The following VTI1B variants were observed in gnomAD, a reference collection of about 807,000 sequenced individuals.
VTI1B encodes vesicle transport through interaction with t-SNAREs homolog 1B.
A neutral mutation model predicts 28.6 loss-of-function variants in VTI1B; 18 were observed. The ratio of observed to expected loss-of-function variants is 0.63; its 90% CI spans 0.43 to 0.93. The LOEUF (loss-of-function observed/expected upper bound fraction) is 0.93, where lower values mean the gene tolerates loss of function less well. VTI1B is among the 40% of genes least tolerant of loss of function. The pLI, the probability that VTI1B is intolerant of heterozygous loss-of-function variation, is 0.00. For missense variants in VTI1B, 283 were observed against 297.0 expected (o/e 0.95, Z 0.35); for synonymous variants, 100 against 107.9 (o/e 0.93, Z 0.46).
Position 67,650,518 on chromosome 14 carries a change from C to T in VTI1B, c.*867G>A, listed in dbSNP as rs2037158865. ...ATCTTAAAAGGTTTCTTTTAATCTACTATAGCACAACAGTGTTTTAACTTA... is the reference window on the plus strand; with the variant it reads ...ATCTTAAAAGGTTTCTTTTAATCTATTATAGCACAACAGTGTTTTAACTTA... On this transcript the variant is annotated 3_prime_UTR_variant, in exon 6 of 6. Transcript: ENST00000554659. 4 of 600,190 alleles carry T rather than the reference C, an allele frequency of 6.7e-6. No individual in the cohort carries two copies. The highest frequency in any genetic ancestry group is 1.2e-5 in the Non-Finnish European group (4 of 337,018). The allele number at this position is 600,190 out of a possible 1,614,324, so 37.2% of individuals were successfully genotyped here.
At chr14:67,664,726 T>G (rs1028268433) in intron 1 of VTI1B, among the ~76,000 whole-genome samples, 1 of 152,192 alleles carries the variant, frequency 6.6e-6, no homozygotes, top group Non-Finnish European at 1.5e-5. Flanking sequence ...CTCAAACTCC[T>G]GACCTCAAGT....
In VTI1B at chr14:67,650,609, G is replaced by A; in HGVS notation, c.*776C>T. The A allele has an allele frequency of 1.0e-6, 1 of 986,980 alleles. No individual in the cohort carries two copies. Among genetic ancestry groups the A allele is most frequent in the Non-Finnish European group, 1.6e-6 (1 of 630,492 alleles). The allele number at this position is 986,980 out of a possible 1,614,324, so 61.1% of individuals were successfully genotyped here. A position where few individuals can be genotyped will look rare whatever the true frequency, so the allele number is the denominator to read the frequency against. On this transcript the variant is annotated 3_prime_UTR_variant, in exon 6 of 6. Coordinates refer to ENST00000554659, the MANE Select transcript of VTI1B (RefSeq NM_006370.3). ...AAATAGGTATTTTCTACTATAAAAT[G>A]GACTCTTGTTTTTACTTTGGCTTGT...
intron 5 of VTI1B, 111 bp downstream of exon 5, chr14:67,653,326 A>C (rs2037211858): frequency 1.2e-6 from 1 of 817,062 alleles, no homozygotes; most frequent in African/African-American, 1.7e-5. Flanking sequence ...TACAGGGACT[A>C]TGCGTCAACT....
rs751233829 is a variant in VTI1B, at chr14:67,648,731, G to A, written c.*2654C>T. Reference sequence around the variant, plus strand: ...GAAAGAGTACTAAGATGAATTCTACGTTATCAAGACTGGCTACTTTTCCAA... The same window carrying A: ...GAAAGAGTACTAAGATGAATTCTACATTATCAAGACTGGCTACTTTTCCAA... On this transcript the variant is annotated 3_prime_UTR_variant, in exon 6 of 6. Transcript: ENST00000554659. 1.5e-4 allele frequency: 23 copies of A among 152,332 alleles called. No homozygotes were observed. The highest frequency in any genetic ancestry group is 1.0e-3 in the Admixed American group (16 of 15,290). The allele number at this position is 152,332 out of a possible 1,614,324, so 9.4% of individuals were successfully genotyped here.
rs1566808864 is a variant in VTI1B at position 67,651,378 on chromosome 14, T to TAG, written c.*5_*6dup. 2 of 1,613,432 alleles carry TAG rather than the reference T, an allele frequency of 1.2e-6. No individual in the cohort carries two copies. Among genetic ancestry groups the TAG allele is most frequent in the African/African-American group, 2.7e-5 (2 of 74,884 alleles). On this transcript the variant is annotated 3_prime_UTR_variant, in exon 6 of 6. Transcript: ENST00000554659. Reference sequence around the variant, plus strand: ...GTTCTGGTCCACAAACCCTTCCCTATAGAAGTTCAATGGCTGCGAAAGAAT... The same window carrying TAG: ...GTTCTGGTCCACAAACCCTTCCCTATAGAGAAGTTCAATGGCTGCGAAAGAAT...
In VTI1B at chr14:67,653,529, C is replaced by T. The variant is rs1281809398; in HGVS notation, c.541-31G>A. On this transcript the variant is annotated intron_variant, in intron 4 of 5. Transcript: ENST00000554659. The stretch of plus-strand genomic sequence containing the variant: ...AAGAGAAAATAGTGATTATTTCCCT[C>T]TTTAAAAAGTATACTCTGTACAATT... 3.8e-6 allele frequency: 6 copies of T among 1,588,184 alleles called. No homozygotes were observed. The East Asian group carries it at 1.1e-4, about 30-fold the overall frequency.
Position 67,651,446 on chromosome 14 carries a change from A to G in VTI1B, c.638T>C (p.Ile213Thr). ...TCCCAGGATGGCGAGCTCCAGTAAG[A>G]TGATAATGGAAAGCAGCAGCTTGTT... Reference protein sequence around the residue: ...TTNKLLLSIIILLELAILGGL... With the variant: ...TTNKLLLSIITLLELAILGGL... The change falls in exon 6 of 6, where the codon ATC becomes ACC. Residue 213 changes from isoleucine to threonine, a missense_variant. Coordinates refer to ENST00000554659, the MANE Select transcript of VTI1B (RefSeq NM_006370.3). The G allele has an allele frequency of 6.2e-7, 1 of 1,613,980 alleles. No individual in the cohort carries two copies. Among genetic ancestry groups the G allele is most frequent in the Non-Finnish European group, 8.5e-7 (1 of 1,179,842 alleles).
chr14:67,663,138 T>C (rs1376139593), intron 1 of VTI1B: 2 of 1,531,026 alleles, frequency 1.3e-6, no homozygotes, highest in Non-Finnish European at 8.7e-7. Context: ...GCCTTTCCCA[T>C]TCTGTCCCTT....
At chr14:67,651,789 T>TAATCA (rs2037181943) in intron 5 of VTI1B, 1 of 257,812 alleles carries the variant, frequency 3.9e-6, no homozygotes, top group South Asian at 4.9e-5. Context: ...CTAGAAAAAG[T>TAATCA]AATCAAATAG....
chr14:67,660,655 G>C (rs1200926860), intron 2 of VTI1B, among the ~76,000 whole-genome samples: 3 of 151,764 alleles, frequency 2.0e-5, no homozygotes, highest in Non-Finnish European at 4.4e-5. Flanking sequence ...ACCCAGAGCA[G>C]TCTGCTTTAG....
At position 67,656,528 on chromosome 14, in the gene VTI1B, G is replaced by GT; in HGVS notation, c.427dup (p.Thr143AsnfsTer5). 6.2e-7 allele frequency: 1 copy of GT among 1,613,860 alleles called. No homozygotes were observed. Among genetic ancestry groups the GT allele is most frequent in the Non-Finnish European group, 8.5e-7 (1 of 1,179,816 alleles). On this transcript the variant is annotated frameshift_variant, in exon 4 of 6. Coordinates refer to ENST00000554659, the MANE Select transcript of VTI1B (RefSeq NM_006370.3). LOFTEE classifies it high-confidence loss of function. The stretch of plus-strand genomic sequence containing the variant: ...CCGATGAGAACGTTCAATACTTTGG[G>GT]TGGCCCGGTTCAGGCTTTCAGTGCC...
chr14:67,674,584 G>C lies in VTI1B; in HGVS notation c.-95C>G, dbSNP rs1321033214. ...AGCCGCCCAGCCCAGTGGCCATAAC[G>C]GCGACCGCCGCACCACCGCCGCCCA... On this transcript the variant is annotated 5_prime_UTR_variant, in exon 1 of 6. Transcript: ENST00000554659. 1.9e-6 allele frequency: 2 copies of C among 1,039,952 alleles called. No homozygotes were observed. Among genetic ancestry groups the C allele is most frequent in the Non-Finnish European group, 2.6e-6 (2 of 770,512 alleles). 64.4% of individuals were successfully genotyped at this position (1,039,952 alleles called of 1,614,324 possible).
intron 1 of VTI1B, 82 bp downstream of exon 1, chr14:67,674,293 G>A (rs992944188): frequency 6.1e-6 from 8 of 1,315,304 alleles, no homozygotes; most frequent in Non-Finnish European, 8.2e-6. Context: ...CGCGGGCCCG[G>A]GTCTGGGAGG....
Position 67,648,381 on chromosome 14 carries a change from C to A in VTI1B, c.*3004G>T. The A allele has an allele frequency of 2.2e-6, 1 of 464,762 alleles. No individual in the cohort carries two copies. Among genetic ancestry groups the A allele is most frequent in the Non-Finnish European group, 3.7e-6 (1 of 271,414 alleles). 28.8% of individuals were successfully genotyped at this position (464,762 alleles called of 1,614,324 possible). A position where few individuals can be genotyped will look rare whatever the true frequency, so the allele number is the denominator to read the frequency against. The stretch of plus-strand genomic sequence containing the variant: ...GAGTCATGCTTGGACATGGCTCTTA[C>A]CAAATTACACTAAGGTAATAATGAG... On this transcript the variant is annotated 3_prime_UTR_variant, in exon 6 of 6. Coordinates refer to ENST00000554659, the MANE Select transcript of VTI1B (RefSeq NM_006370.3).
intron 3 of VTI1B, among the ~76,000 whole-genome samples, chr14:67,659,072 C>A (rs554894980): frequency 6.6e-6 from 1 of 152,304 alleles, no homozygotes; most frequent in South Asian, 2.1e-4. Context: ...ATTCCTTTAA[C>A]GATCTAGCTG....
In VTI1B at chr14:67,656,507, T is replaced by C. The variant is rs1458818778; in HGVS notation, c.449A>G (p.His150Arg). Residue 150 changes from histidine (H) to arginine (R), a missense_variant, in exon 4 of 6, where the codon CAT becomes CGT. By Grantham distance (29) the His-to-Arg change is conservative. Transcript: ENST00000554659. ...NRATQSIERS[H>R]RIATETDQIG... is the part of the protein sequence containing the mutation. ...CTGGTCAGTCTCTGTGGCAATCCGA[T>C]GAGAACGTTCAATACTTTGGGTGGC... is the stretch of plus-strand genomic sequence containing the variant. 3.1e-6 allele frequency: 5 copies of C among 1,613,784 alleles called. No individual in the cohort carries two copies. In the African/African-American group the frequency reaches 4.0e-5, roughly 13 times the overall value.
At chr14:67,667,062 G>A (rs1453189218) in intron 1 of VTI1B, among the ~76,000 whole-genome samples, 1 of 152,170 alleles carries the variant, frequency 6.6e-6, no homozygotes, top group East Asian at 1.9e-4. Flanking sequence ...CCACAAGCCT[G>A]CCCAAATCAG....
In VTI1B at chr14:67,647,495, A is replaced by G. The variant is rs531896792; in HGVS notation, c.*3890T>C. 3 of 157,394 alleles carry G rather than the reference A, an allele frequency of 1.9e-5. No individual in the cohort carries two copies. Among genetic ancestry groups the G allele is most frequent in the African/African-American group, 7.2e-5 (3 of 41,658 alleles). 9.7% of individuals were successfully genotyped at this position (157,394 alleles called of 1,614,324 possible). A position where few individuals can be genotyped will look rare whatever the true frequency, so the allele number is the denominator to read the frequency against. On this transcript the variant is annotated 3_prime_UTR_variant, in exon 6 of 6. Coordinates refer to ENST00000554659, the MANE Select transcript of VTI1B (RefSeq NM_006370.3). Reference sequence around the variant, plus strand: ...TTGTTATCTGGTAGTATGTCATTTCATAAGCTGTTAAGAAACTTAGTTGTT... The same window carrying G: ...TTGTTATCTGGTAGTATGTCATTTCGTAAGCTGTTAAGAAACTTAGTTGTT...
At chr14:67,673,485 T>C (rs892049750) in intron 1 of VTI1B, among the ~76,000 whole-genome samples, 2 of 152,216 alleles carry the variant, frequency 1.3e-5, no homozygotes, top group African/African-American at 2.4e-5. Flanking sequence ...ATGGGGATGT[T>C]CGTATCTTTT....
Sources: allele counts gnomAD v4.1 joint callset (sites outside exome capture counted in the v4.1 genomes callset), GRCh38; gene constraint gnomAD v4.1.1; transcripts MANE v1.5; gene names NCBI Gene and HGNC (gene_info 2026-07-23, HGNC 2026-07-21).